EGF: variants seen among roughly 807,000 people sequenced by gnomAD.
EGF encodes the protein pro-epidermal growth factor.
A neutral mutation model predicts 143.8 loss-of-function variants in EGF; 95 were observed. The ratio of observed to expected loss-of-function variants is 0.66; its 90% CI spans 0.56 to 0.78. The LOEUF (loss-of-function observed/expected upper bound fraction) is 0.78. EGF is among the 30% of genes least tolerant of loss of function. EGF has a pLI of 0.00. For synonymous variants in EGF, 510 were observed against 510.5 expected (o/e 1.00, Z 0.01); for missense variants, 1,320 against 1,470.9 (o/e 0.90, Z 1.68).
intron 12 of EGF, among the ~76,000 whole-genome samples, chr4:109,975,240 G>A (rs1748307334): frequency 6.6e-6 from 1 of 152,188 alleles, no homozygotes; most frequent in Non-Finnish European, 1.5e-5. Context: ...GCTGTTAATT[G>A]TGAGTTAGTG....
Position 109,944,053 on chromosome 4 carries a change from A to G in EGF, c.721A>G (p.Ser241Gly). 2 of 1,614,182 alleles carry G rather than the reference A, an allele frequency of 1.2e-6. No homozygotes were observed. The highest frequency in any genetic ancestry group is 2.2e-5 in the South Asian group (2 of 91,084). The change falls in exon 4 of 24, where the codon AGT (serine) becomes GGT (glycine). Residue 241 changes from serine (S) to glycine (G), a missense_variant. This residue lies in a region of EGF where 1,186 missense variants were observed against 1,313.7 expected (regional missense o/e 0.90). Transcript: ENST00000265171. ...TTATGATGGAGGTTCTGTCCACATT[A>G]GTAAACATCCAACACAGTAAGTTTT... ...CDYDGGSVHI[S>G]KHPTQHNLFA...
At chr4:109,950,101 T>C (rs1343802236) in intron 5 of EGF, among the ~76,000 whole-genome samples, 1 of 152,172 alleles carries the variant, frequency 6.6e-6, no homozygotes, top group Non-Finnish European at 1.5e-5. Flanking sequence ...ATAAAATGCA[T>C]GTGTTTGGGC....
At chr4:109,963,374 G>A (rs528376562) in intron 9 of EGF, 76 bp downstream of exon 9, 37 of 1,588,316 alleles carry the variant, frequency 2.3e-5, no homozygotes, top group Non-Finnish European at 3.1e-5. Context: ...AAGATGGAAA[G>A]TTAACTGCTT....
At chr4:109,961,038 A>C in intron 7 of EGF, 49 bp downstream of exon 7, 3 of 1,606,844 alleles carry the variant, frequency 1.9e-6, no homozygotes, top group Non-Finnish European at 2.6e-6. Flanking sequence ...TTCATTTTCA[A>C]TATGTTTCTA....
At chr4:109,966,661 T>C (rs1746650781) in intron 10 of EGF, among the ~76,000 whole-genome samples, 1 of 152,212 alleles carries the variant, frequency 6.6e-6, no homozygotes, top group South Asian at 2.1e-4. Flanking sequence ...CCACCAGCAA[T>C]GTATAAGAGT....
chr4:109,990,347 A>G (rs921196827), intron 18 of EGF, among the ~76,000 whole-genome samples: 14 of 152,322 alleles, frequency 9.2e-5, no homozygotes, highest in African/African-American at 2.6e-4. Flanking sequence ...AACCACAATG[A>G]AAGTTCAGAA....
In EGF at chr4:109,976,047, G is replaced by A. The variant is rs1049658097; in HGVS notation, c.1865G>A (p.Arg622Gln). ...TGGACTGATACAGGGATTAATCCAC[G>A]AATTGAAAGTTCTTCCCTCCAAGGC... The part of the protein sequence containing the change: ...LFWTDTGINP[R>Q]IESSSLQGLG... Residue 622 changes from arginine (R) to glutamine (Q), a missense_variant, in exon 13 of 24, where the codon CGA becomes CAA. Coordinates refer to ENST00000265171, the MANE Select transcript of EGF (RefSeq NM_001963.6). 7 of 1,613,792 alleles carry A rather than the reference G, an allele frequency of 4.3e-6. No individual in the cohort carries two copies. In the Admixed American group the frequency reaches 8.3e-5, roughly 19 times the overall value.
intron 23 of EGF, among the ~76,000 whole-genome samples, chr4:110,008,760 G>A (rs1753641608): frequency 1.3e-5 from 2 of 152,188 alleles, no homozygotes; most frequent in South Asian, 2.1e-4. Flanking sequence ...CACTTGTGGA[G>A]AGACCATAAA....
chr4:109,970,790 A>G (rs377314387), intron 11 of EGF, among the ~76,000 whole-genome samples: 78 of 137,152 alleles, frequency 5.7e-4, no homozygotes, highest in African/African-American at 2.1e-3. Context: ...GCACCACTGC[A>G]CTCCAGCCTG....
At chr4:109,993,096 T>TA in intron 18 of EGF, 151 bp from the exon 19 acceptor site, 1 of 690,620 alleles carries the variant, frequency 1.4e-6, no homozygotes, top group East Asian at 5.4e-5. Context: ...TTAAGTATAA[T>TA]AAAAAATATA....
Position 109,945,192 on chromosome 4 carries a change from A to T in EGF, c.857A>T (p.His286Leu). Reference protein sequence around the residue: ...TGKDMVRINLHSSFVPLGELK... With the variant: ...TGKDMVRINLLSSFVPLGELK... ...AAGGACATGGTTAGAATTAACCTCCATTCATCATTTGTACCACTTGGTGAA... is the reference window on the plus strand; with the variant it reads ...AAGGACATGGTTAGAATTAACCTCCTTTCATCATTTGTACCACTTGGTGAA... Residue 286 changes from histidine (H) to leucine (L), a missense_variant, in exon 5 of 24, where the codon CAT (histidine) becomes CTT (leucine). By Grantham distance (99) the His-to-Leu change is moderately conservative. This residue lies in a region of EGF where 1,186 missense variants were observed against 1,313.7 expected (regional missense o/e 0.90). Coordinates refer to ENST00000265171, the MANE Select transcript of EGF (RefSeq NM_001963.6). 1 of 1,614,110 alleles carries T rather than the reference A, an allele frequency of 6.2e-7. No homozygotes were observed. The highest frequency in any genetic ancestry group is 8.5e-7 in the Non-Finnish European group (1 of 1,179,994).
At chr4:109,940,837 C>A in intron 1 of EGF, 109 bp from the exon 2 acceptor site, 1 of 1,101,444 alleles carries the variant, frequency 9.1e-7, no homozygotes, top group Non-Finnish European at 1.4e-6. Flanking sequence ...AACAGAAAAC[C>A]AGTAATTAAA....
intron 1 of EGF, among the ~76,000 whole-genome samples, chr4:109,926,742 G>A (rs1313825628): frequency 6.6e-6 from 1 of 152,168 alleles, no homozygotes; most frequent in Non-Finnish European, 1.5e-5. Flanking sequence ...ATTACAGATA[G>A]ATGTCAGTAG....
At chr4:109,955,217 T>A (rs1454534990) in intron 5 of EGF, among the ~76,000 whole-genome samples, 2 of 152,146 alleles carry the variant, frequency 1.3e-5, no homozygotes, top group Admixed American at 6.6e-5. Flanking sequence ...TGAGTGCCTG[T>A]GTGCTAGCCA....
intron 20 of EGF, among the ~76,000 whole-genome samples, chr4:109,996,264 T>G (rs1751782745): frequency 6.6e-6 from 1 of 152,234 alleles, no homozygotes; most frequent in Non-Finnish European, 1.5e-5. Context: ...AAATGATTGA[T>G]GAACTCTTTA....
chr4:109,927,637 T>C (rs1738925678), intron 1 of EGF, among the ~76,000 whole-genome samples: 1 of 147,582 alleles, frequency 6.8e-6, no homozygotes, highest in Admixed American at 7.0e-5. Flanking sequence ...GGCAGGAGAA[T>C]AGCGCGAACC....
At chr4:109,929,884 T>C (rs1412963652) in intron 1 of EGF, among the ~76,000 whole-genome samples, 3 of 152,212 alleles carry the variant, frequency 2.0e-5, no homozygotes, top group Admixed American at 1.3e-4. Flanking sequence ...TGGTTGGCTG[T>C]GTGTCCCCAC....
At chr4:109,925,206 C>CA (rs1340033859) in intron 1 of EGF, among the ~76,000 whole-genome samples, 4 of 152,118 alleles carry the variant, frequency 2.6e-5, no homozygotes, top group African/African-American at 9.7e-5. Context: ...TAAAATAATA[C>CA]ATGAAAAACC....
intron 16 of EGF, 93 bp downstream of exon 16, chr4:109,983,634 G>T: frequency 1.9e-6 from 3 of 1,550,734 alleles, no homozygotes; most frequent in Non-Finnish European, 2.7e-6. Flanking sequence ...ACTTAATATT[G>T]CCTAAGTTCT....
Sources: allele counts gnomAD v4.1 joint callset (sites outside exome capture counted in the v4.1 genomes callset), GRCh38; gene constraint gnomAD v4.1.1; regional missense constraint gnomAD v4.1.1; transcripts MANE v1.5; gene names NCBI Gene and HGNC (gene_info 2026-07-23, HGNC 2026-07-21).